SOX5: variants seen among roughly 807,000 people sequenced by gnomAD.
SOX5 encodes the protein SRY-box transcription factor 5, also known as transcription factor SOX-5.
SOX5 carries 9 observed loss-of-function variants against 92.0 expected under a neutral mutation model. The observed-to-expected ratio is 0.10, with a 90% confidence interval of 0.06 to 0.17. The LOEUF is 0.17. Ranked by LOEUF, SOX5 falls within the 10% of genes least tolerant of loss-of-function variation. SOX5 has a pLI of 1.00. For synonymous variants in SOX5, 344 were observed against 336.3 expected, an observed-to-expected ratio of 1.02 and a Z score of -0.25; for missense variants, 642 against 944.5, an observed-to-expected ratio of 0.68 and a Z score of 4.20.
At position 23,740,994 on chromosome 12, in the gene SOX5, A is replaced by G; in HGVS notation, c.614T>C (p.Met205Thr). ...LAEKERQLMG[M>T]INQLTSLREQ... ...TCGGAGGCTGGTCAGCTGGTTGATC[A>G]TACCCATGAGTTGCCTTTCTTTCTC... The change falls in exon 5 of 15, where the codon ATG (methionine) becomes ACG (threonine). Residue 205 changes from methionine (M) to threonine (T), a missense_variant. This residue lies in a region of SOX5 where 324 missense variants were observed against 461.6 expected (regional missense o/e 0.70). Coordinates refer to ENST00000451604, the MANE Select transcript of SOX5 (RefSeq NM_006940.6). The G allele has an allele frequency of 6.2e-7, 1 of 1,611,108 alleles. No individual in the cohort carries two copies. Among genetic ancestry groups the G allele is most frequent in the Non-Finnish European group, 8.5e-7 (1 of 1,177,832 alleles).
At chr12:24,205,495 G>A (rs371459726) in intron 4 of SOX5, among the ~76,000 whole-genome samples, 16 of 152,190 alleles carry the variant, frequency 1.1e-4, no homozygotes, top group East Asian at 1.9e-4. Flanking sequence ...CAAATAACTC[G>A]TCTAAGGTGA....
intron 7 of SOX5, among the ~76,000 whole-genome samples, 178 bp downstream of exon 7, chr12:23,665,266 G>A (rs2139418117): frequency 1.8e-5 from 1 of 55,288 alleles, no homozygotes; most frequent in East Asian, 5.2e-4. Flanking sequence ...CAGAAGCACA[G>A]ATTTAATCTA....
chr12:24,537,408 G>A (rs931357525), intron 1 of SOX5, among the ~76,000 whole-genome samples: 2 of 152,178 alleles, frequency 1.3e-5, no homozygotes, highest in African/African-American at 2.4e-5. Flanking sequence ...CTCATAAAAT[G>A]ATAGGTTCTT....
intron 4 of SOX5, among the ~76,000 whole-genome samples, chr12:24,086,196 T>C (rs1244397983): frequency 6.9e-6 from 1 of 145,752 alleles, no homozygotes; most frequent in Admixed American, 6.8e-5. Flanking sequence ...ATGCAGTACA[T>C]TTTTTTTTTC....
chr12:23,937,323 T>G (rs1443840354), intron 1 of SOX5, among the ~76,000 whole-genome samples: 2 of 150,996 alleles, frequency 1.3e-5, no homozygotes, highest in East Asian at 3.9e-4. Flanking sequence ...AATACTCTTC[T>G]ATTGAGCATT....
chr12:24,307,869 G>A (rs1215390972), intron 2 of SOX5, among the ~76,000 whole-genome samples: 1 of 152,134 alleles, frequency 6.6e-6, no homozygotes, highest in African/African-American at 2.4e-5. Flanking sequence ...TGTTATAGTA[G>A]GTAGCTAGTC....
intron 1 of SOX5, among the ~76,000 whole-genome samples, chr12:24,514,729 AG>A (rs1376670301): frequency 9.2e-5 from 14 of 152,244 alleles, no homozygotes; most frequent in Admixed American, 2.0e-4. Flanking sequence ...AGCCATAAAA[AG>A]GATGAGCTCA....
intron 2 of SOX5, among the ~76,000 whole-genome samples, chr12:23,869,236 C>T (rs2096847492): frequency 2.0e-5 from 3 of 152,120 alleles, no homozygotes; most frequent in African/African-American, 7.2e-5. Flanking sequence ...CATTAACTTG[C>T]CTAGTGTTCC....
chr12:23,808,602 T>TA (rs936296489), intron 3 of SOX5, among the ~76,000 whole-genome samples: 1 of 152,156 alleles, frequency 6.6e-6, no homozygotes, highest in Non-Finnish European at 1.5e-5. Context: ...ATATATACTA[T>TA]AAAAAATAAG....
chr12:23,950,832 G>T (rs747763296), upstream of SOX5: 26 of 1,530,298 alleles, frequency 1.7e-5, no homozygotes, highest in Non-Finnish European at 2.2e-5. Flanking sequence ...GACACGAAAT[G>T]ACAGAGGCAC....
intron 3 of SOX5, among the ~76,000 whole-genome samples, chr12:23,812,795 C>T (rs1206938662): frequency 6.6e-6 from 1 of 152,094 alleles, no homozygotes; most frequent in Admixed American, 6.6e-5. Context: ...TGTACTGTAT[C>T]TCAGGAACAC....
At chr12:23,756,246 A>C (rs547349931) in intron 3 of SOX5, among the ~76,000 whole-genome samples, 36 of 147,902 alleles carry the variant, frequency 2.4e-4, no homozygotes, top group Admixed American at 8.8e-4. Flanking sequence ...AAAAAAAAAC[A>C]AAAAAAAAAT....
At chr12:23,600,932 GGACA>G (rs1244497561) in intron 9 of SOX5, among the ~76,000 whole-genome samples, 2 of 151,934 alleles carry the variant, frequency 1.3e-5, no homozygotes, top group Admixed American at 1.3e-4. Context: ...CTGGTGCTGA[GGACA>G]GACAAAGTGA....
At chr12:23,548,308 C>G (rs956294297) in intron 11 of SOX5, among the ~76,000 whole-genome samples, 2 of 152,034 alleles carry the variant, frequency 1.3e-5, no homozygotes, top group Non-Finnish European at 2.9e-5. Context: ...TACCAAGAGA[C>G]TAAAATTAAC....
chr12:24,205,451 T>C (rs1957929040), intron 4 of SOX5, among the ~76,000 whole-genome samples: 1 of 152,184 alleles, frequency 6.6e-6, no homozygotes, highest in African/African-American at 2.4e-5. Flanking sequence ...ATACTAATTT[T>C]ATAGATGAGG....
intron 1 of SOX5, among the ~76,000 whole-genome samples, chr12:24,376,621 AG>A (rs1957282702): frequency 6.9e-6 from 1 of 144,548 alleles, no homozygotes; most frequent in African/African-American, 2.5e-5. Context: ...TCCTATGAGT[AG>A]GCAATGTGCT....
At chr12:24,337,184 GT>G (rs1026721522) in intron 2 of SOX5, among the ~76,000 whole-genome samples, 1 of 151,766 alleles carries the variant, frequency 6.6e-6, no homozygotes, top group South Asian at 2.1e-4. Flanking sequence ...AAATTAGCAG[GT>G]TTTTTTTGTA....
At chr12:24,508,570 G>C (rs1223104251) in intron 1 of SOX5, among the ~76,000 whole-genome samples, 1 of 152,066 alleles carries the variant, frequency 6.6e-6, no homozygotes, top group African/African-American at 2.4e-5. Context: ...TGCAGCCCAG[G>C]GCATCAGTCA....
At chr12:24,274,883 C>G (rs917239674) in intron 3 of SOX5, among the ~76,000 whole-genome samples, 1 of 152,198 alleles carries the variant, frequency 6.6e-6, no homozygotes, top group Non-Finnish European at 1.5e-5. Context: ...AATAGGCATG[C>G]ATACCAGAAG....
Sources: gnomAD v4.1 joint callset for allele counts (sites outside exome capture counted in the v4.1 genomes callset) on GRCh38, gnomAD v4.1.1 for gene constraint, gnomAD v4.1.1 regional missense constraint, MANE v1.5 for transcripts, NCBI Gene and HGNC (gene_info 2026-07-23, HGNC 2026-07-21) for gene names.